GIGYF1: variants seen among roughly 807,000 people sequenced by gnomAD.
GIGYF1 encodes the protein GRB10 interacting GYF protein 1.
GIGYF1 carries 84 observed loss-of-function variants against 147.1 expected under a neutral mutation model. The observed-to-expected ratio is 0.57, with a 90% CI of 0.48 to 0.68. The LOEUF is 0.68. GIGYF1 is among the 30% of genes least tolerant of loss of function. The probability of loss-of-function intolerance (pLI) is 0.00; values close to 1 mark genes in which losing one functional copy is unlikely to be tolerated. For synonymous variants in GIGYF1, 752 were observed against 589.5 expected, an observed-to-expected ratio of 1.28 and a Z score of -3.99; for missense variants, 1,485 against 1,393.7, an observed-to-expected ratio of 1.07 and a Z score of -1.04.
At position 100,688,316 on chromosome 7, in the gene GIGYF1, G is replaced by C; in HGVS notation, c.-69-9C>G. 8.6e-7 allele frequency: 1 copy of C among 1,156,888 alleles called. No individual in the cohort carries two copies. The highest frequency in any genetic ancestry group is 1.3e-6 in the Non-Finnish European group (1 of 782,140). 71.7% of individuals were successfully genotyped at this position (1,156,888 alleles called of 1,614,324 possible). A position where few individuals can be genotyped will look rare whatever the true frequency, so the allele number is the denominator to read the frequency against. On this transcript the variant is annotated splice_polypyrimidine_tract_variant and intron_variant, in intron 3 of 26. Coordinates refer to ENST00000678049, the MANE Select transcript of GIGYF1 (RefSeq NM_001375765.1). ...GTTCACTGTCCAAACACCTGTGGGG[G>C]AACAGGGGCCATGAAGAACAGCACA...
Position 100,681,532 on chromosome 7 carries a change from C to A in GIGYF1, c.*187G>T. 1 of 431,646 alleles carries A rather than the reference C, an allele frequency of 2.3e-6. No individual in the cohort carries two copies. Among genetic ancestry groups the A allele is most frequent in the Admixed American group, 3.9e-5 (1 of 25,560 alleles). 26.7% of individuals were successfully genotyped at this position (431,646 alleles called of 1,614,324 possible). ...AAAAAAAAATAAAAAGAAAAACCCCCTCCCCCAGTCTGTAAAGTGCCTCGT... is the reference window on the plus strand; with the variant it reads ...AAAAAAAAATAAAAAGAAAAACCCCATCCCCCAGTCTGTAAAGTGCCTCGT... On this transcript the variant is annotated 3_prime_UTR_variant, in exon 27 of 27. Transcript: ENST00000678049.
rs1292720473 is a variant in GIGYF1 at position 100,686,708 on chromosome 7, C to G, written c.635G>C (p.Ser212Thr). The G allele has an allele frequency of 6.2e-7, 1 of 1,613,432 alleles. No individual in the cohort carries two copies. Among genetic ancestry groups the G allele is most frequent in the South Asian group, 1.1e-5 (1 of 91,088 alleles). The change falls in exon 10 of 27, where the codon AGC becomes ACC. Residue 212 changes from serine (S) to threonine (T), a missense_variant. Coordinates refer to ENST00000678049, the MANE Select transcript of GIGYF1 (RefSeq NM_001375765.1). ...CCGGGGCCCTGCTCCGAGCCTCCAG[C>G]TGCCCTCCTCCTCCTCCTCCTGTTC... ...REEQEEEEEG[S>T]WRLGAGPRRD... is the part of the protein sequence containing the mutation.
Position 100,683,209 on chromosome 7 carries a change from G to A in GIGYF1, c.2215C>T (p.Leu739=). 1 of 1,610,424 alleles carries A rather than the reference G, an allele frequency of 6.2e-7. No homozygotes were observed. The highest frequency in any genetic ancestry group is 1.1e-5 in the South Asian group (1 of 91,078). Residue 739 remains leucine, a synonymous_variant, in exon 22 of 27, where the codon CTG becomes TTG. Transcript: ENST00000678049. ...RKHVRQQELL[L]KLLQQQQAVP... ...GCCTGCTGCTGCTGTAGCAACTTCAGCAATAGCTCCTGCTGCCGCACCTAA... is the reference window on the plus strand; with the variant it reads ...GCCTGCTGCTGCTGTAGCAACTTCAACAATAGCTCCTGCTGCCGCACCTAA...
chr7:100,693,610 G>A (rs1250763328), intron 1 of GIGYF1, among the ~76,000 whole-genome samples: 1 of 152,200 alleles, frequency 6.6e-6, no homozygotes, highest in Non-Finnish European at 1.5e-5. Flanking sequence ...CGTTCCGAGG[G>A]GAACCCAAAG....
intron 1 of GIGYF1, among the ~76,000 whole-genome samples, chr7:100,692,851 T>C (rs1482350641): frequency 2.6e-5 from 4 of 152,046 alleles, no homozygotes; most frequent in South Asian, 2.1e-4. Flanking sequence ...GAAAATCAGA[T>C]TGGAGCTGGC....
Position 100,683,018 on chromosome 7 carries a change from G to A in GIGYF1, c.2406C>T (p.His802=), listed in dbSNP as rs1387158427. 6.5e-7 allele frequency: 1 copy of A among 1,529,876 alleles called. No homozygotes were observed. The highest frequency in any genetic ancestry group is 8.7e-7 in the Non-Finnish European group (1 of 1,142,874). The allele number at this position is 1,529,876 out of a possible 1,614,324, so 94.8% of individuals were successfully genotyped here. A position where few individuals can be genotyped will look rare whatever the true frequency, so the allele number is the denominator to read the frequency against. Residue 802 remains histidine (H), a synonymous_variant, in exon 22 of 27, where the codon CAC becomes CAT. Coordinates refer to ENST00000678049, the MANE Select transcript of GIGYF1 (RefSeq NM_001375765.1). Reference sequence around the variant, plus strand: ...AGGTTCCCGGCCTGCTCACCACTCGGTGGTTGGGGGCCTGGGCCCGAGCTG... The same window carrying A: ...AGGTTCCCGGCCTGCTCACCACTCGATGGTTGGGGGCCTGGGCCCGAGCTG... ...REPARAQAPN[H]RVQLGGLGTA... is the part of the protein sequence containing the mutation.
Position 100,683,845 on chromosome 7 carries a change from C to A in GIGYF1, c.1942G>T (p.Val648Leu). 6.4e-7 allele frequency: 1 copy of A among 1,569,916 alleles called. No individual in the cohort carries two copies. The highest frequency in any genetic ancestry group is 8.6e-7 in the Non-Finnish European group (1 of 1,156,906). ...GACTGTGATGAGGCTGAGGTATGTA[C>A]GTCCCAGAGGCGGCCCGAATCTGGC... is the stretch of plus-strand genomic sequence containing the variant. ...SVPDSGRLWD[V>L]HTSASSQSGG... The change falls in exon 19 of 27, where the codon GTA (valine) becomes TTA (leucine). Residue 648 changes from valine to leucine, a missense_variant. Val to Leu is a conservative substitution (Grantham distance 32). Coordinates refer to ENST00000678049, the MANE Select transcript of GIGYF1 (RefSeq NM_001375765.1).
chr7:100,688,543 C>T (rs1562885074), intron 2 of GIGYF1, 28 bp from the exon 3 acceptor site: 7 of 622,464 alleles, frequency 1.1e-5, no homozygotes, highest in Non-Finnish European at 1.2e-5. Context: ...ATGGGAAGCT[C>T]GAGTCCTTTC....
chr7:100,683,516 T>C (rs1805002164), intron 20 of GIGYF1, 34 bp downstream of exon 20: 1 of 1,613,156 alleles, frequency 6.2e-7, no homozygotes, highest in Non-Finnish European at 8.5e-7. Flanking sequence ...CCACCCTTCA[T>C]TCCCAGGGCC....
chr7:100,682,183 G>C lies in GIGYF1; in HGVS notation c.2814C>G (p.His938Gln), dbSNP rs749605961. 1 of 1,613,764 alleles carries C rather than the reference G, an allele frequency of 6.2e-7. No individual in the cohort carries two copies. The highest frequency in any genetic ancestry group is 8.5e-7 in the Non-Finnish European group (1 of 1,179,958). Residue 938 changes from histidine to glutamine, a missense_variant, in exon 25 of 27, where the codon CAC (histidine) becomes CAG (glutamine). His to Gln is a conservative substitution (Grantham distance 24). Transcript: ENST00000678049. ...LKEVESPYDV[H>Q]DYIRSCLGDT... ...CCCCCAGGCAGGAACGGATATAATC[G>C]TGGACATCATAGGGGGATTCCACCT... is the stretch of plus-strand genomic sequence containing the variant.
chr7:100,684,171 A>G lies in GIGYF1; in HGVS notation c.1731-14T>C, dbSNP rs758718139. On this transcript the variant is annotated splice_polypyrimidine_tract_variant and intron_variant, in intron 17 of 26. Coordinates refer to ENST00000678049, the MANE Select transcript of GIGYF1 (RefSeq NM_001375765.1). ...GGGAGCTGGCGGCTGCAAATGGGAC[A>G]GTGGAGATGGTGGGCCACAGAGCCA... is the stretch of plus-strand genomic sequence containing the variant. 20 of 1,609,118 alleles carry G rather than the reference A, an allele frequency of 1.2e-5. No individual in the cohort carries two copies. The highest frequency in any genetic ancestry group is 8.3e-5 in the Admixed American group (5 of 59,954).
At position 100,693,473 on chromosome 7, in the gene GIGYF1, A is replaced by G. The variant is rs189716492; in HGVS notation, c.-1099+637T>C. On this transcript the variant is annotated intron_variant, in intron 1 of 26. Transcript: ENST00000678049. ...AAGGAGACCCCAATGACCCAGCACT[A>G]AGATCGCCGGAGCGAAAGGAAACAG... Among the ~76,000 whole-genome samples the G allele has an allele frequency of 1.6e-3, 244 of 152,278 alleles. 2 individuals are homozygous for G. Among genetic ancestry groups the G allele is most frequent in the African/African-American group, 5.5e-3 (227 of 41,576 alleles).
chr7:100,681,601 G>C lies in GIGYF1; in HGVS notation c.*118C>G. The C allele has an allele frequency of 2.2e-6, 2 of 889,836 alleles. No individual in the cohort carries two copies. The highest frequency in any genetic ancestry group is 3.3e-6 in the Non-Finnish European group (2 of 612,330). 55.1% of individuals were successfully genotyped at this position (889,836 alleles called of 1,614,324 possible). A position where few individuals can be genotyped will look rare whatever the true frequency, so the allele number is the denominator to read the frequency against. On this transcript the variant is annotated 3_prime_UTR_variant, in exon 27 of 27. Coordinates refer to ENST00000678049, the MANE Select transcript of GIGYF1 (RefSeq NM_001375765.1). Reference sequence around the variant, plus strand: ...CATCGTGTGTTTGTAACAAGTGCTGGGGACCCCGCCCCTGCCTCTTCCTGT... The same window carrying C: ...CATCGTGTGTTTGTAACAAGTGCTGCGGACCCCGCCCCTGCCTCTTCCTGT...
rs1387795563 is a variant in GIGYF1, at chr7:100,681,605, C to A, written c.*114G>T. 1.2e-5 allele frequency: 12 copies of A among 961,168 alleles called. No individual in the cohort carries two copies. The highest frequency in any genetic ancestry group is 1.8e-5 in the Non-Finnish European group (12 of 675,234). 59.5% of individuals were successfully genotyped at this position (961,168 alleles called of 1,614,324 possible). On this transcript the variant is annotated 3_prime_UTR_variant, in exon 27 of 27. Coordinates refer to ENST00000678049, the MANE Select transcript of GIGYF1 (RefSeq NM_001375765.1). ...GTGTGTTTGTAACAAGTGCTGGGGA[C>A]CCCGCCCCTGCCTCTTCCTGTGCTC... is the stretch of plus-strand genomic sequence containing the variant.
Position 100,681,642 on chromosome 7 carries a change from C to G in GIGYF1, c.*77G>C, listed in dbSNP as rs1804779941. ...CTCTTCCTGTGCTCTCTGCGGGGAGCCTGCAGGCTGGGACCCTCGGTCCAC... is the reference window on the plus strand; with the variant it reads ...CTCTTCCTGTGCTCTCTGCGGGGAGGCTGCAGGCTGGGACCCTCGGTCCAC... On this transcript the variant is annotated 3_prime_UTR_variant, in exon 27 of 27. Coordinates refer to ENST00000678049, the MANE Select transcript of GIGYF1 (RefSeq NM_001375765.1). The G allele has an allele frequency of 4.3e-6, 6 of 1,390,234 alleles. No individual in the cohort carries two copies. The highest frequency in any genetic ancestry group is 1.4e-5 in the African/African-American group (1 of 69,216). The allele number at this position is 1,390,234 out of a possible 1,614,324, so 86.1% of individuals were successfully genotyped here.
Position 100,681,304 on chromosome 7 carries a change from T to G in GIGYF1, c.*415A>C, listed in dbSNP as rs1306703133. 1.3e-5 allele frequency: 2 copies of G among 155,226 alleles called. No individual in the cohort carries two copies. Among genetic ancestry groups the G allele is most frequent in the Non-Finnish European group, 2.8e-5 (2 of 70,250 alleles). 9.6% of individuals were successfully genotyped at this position (155,226 alleles called of 1,614,324 possible). A position where few individuals can be genotyped will look rare whatever the true frequency, so the allele number is the denominator to read the frequency against. ...CCACTGCCCCAAAATAACAGTGTGT[T>G]TTTTCTTTCAGCCTCCTAACCATTT... On this transcript the variant is annotated 3_prime_UTR_variant, in exon 27 of 27. Transcript: ENST00000678049.
chr7:100,688,871 G>A lies in GIGYF1; in HGVS notation c.-414C>T, dbSNP rs12532302. 3.6e-5 allele frequency: 6 copies of A among 168,906 alleles called. No individual in the cohort carries two copies. The highest frequency in any genetic ancestry group is 2.4e-4 in the Admixed American group (4 of 16,370). 10.5% of individuals were successfully genotyped at this position (168,906 alleles called of 1,614,324 possible). ...CCTCTCTGGGAGGCTGAGACAGGAG[G>A]TGTAGTGAAGAACTCGGGGAGGGAG... On this transcript the variant is annotated 5_prime_UTR_variant, in exon 2 of 27. Transcript: ENST00000678049.
Position 100,684,078 on chromosome 7 carries a change from G to A in GIGYF1, c.1810C>T (p.Gln604Ter). The A allele has an allele frequency of 6.2e-7, 1 of 1,607,196 alleles. No individual in the cohort carries two copies. The highest frequency in any genetic ancestry group is 8.5e-7 in the Non-Finnish European group (1 of 1,179,702). ...AATGCCGTGAGCTGCTGCTGCTGCT[G>A]CTGTGGCGGCGGCGGTGGTGGCGGT... is the stretch of plus-strand genomic sequence containing the variant. ...LTPPPPPPPQ[Q>*]QQQQLTAFLQ... The change falls in exon 18 of 27, where the codon CAG becomes TAG. Residue 604 changes from glutamine to a stop codon, truncating the protein, a stop_gained. Transcript: ENST00000678049. LOFTEE classifies it high-confidence loss of function.
At chr7:100,691,879 G>A (rs548729649) in intron 1 of GIGYF1, among the ~76,000 whole-genome samples, 11 of 152,344 alleles carry the variant, frequency 7.2e-5, no homozygotes, top group African/African-American at 2.2e-4. Flanking sequence ...TGCTCCAGTA[G>A]GCGCCAGGGC....
Sources: allele counts gnomAD v4.1 joint callset (sites outside exome capture counted in the v4.1 genomes callset), GRCh38; gene constraint gnomAD v4.1.1; transcripts MANE v1.5; gene names NCBI Gene and HGNC (gene_info 2026-07-23, HGNC 2026-07-21).